The following EDEM3 variants were observed in gnomAD, a reference collection of about 807,000 sequenced individuals.
The protein encoded by EDEM3 is ER degradation enhancing alpha-mannosidase like protein 3.
A neutral mutation model predicts 110.2 loss-of-function variants in EDEM3; 60 were observed. The observed-to-expected ratio is 0.54, with a 90% confidence interval of 0.44 to 0.67. The LOEUF (loss-of-function observed/expected upper bound fraction) is 0.67. Among genes scored for constraint, EDEM3 ranks in the 30% least tolerant of loss-of-function variants. The pLI is 0.00. For synonymous variants in EDEM3, 352 were observed against 382.9 expected, an observed-to-expected ratio of 0.92 and a Z score of 0.94; for missense variants, 996 against 1,121.0, an observed-to-expected ratio of 0.89 and a Z score of 1.59.
At chr1:184,749,502 A>G (rs1652629162) in intron 2 of EDEM3, 45 bp downstream of exon 2, 2 of 1,387,866 alleles carry the variant, frequency 1.4e-6, no homozygotes, top group East Asian at 2.3e-5. Context: ...CTCACATAAT[A>G]ATCAACTCAC....
At chr1:184,716,052 A>G (rs926353183) in intron 13 of EDEM3, among the ~76,000 whole-genome samples, 2 of 152,198 alleles carry the variant, frequency 1.3e-5, no homozygotes, top group Non-Finnish European at 1.5e-5. Flanking sequence ...AGGAGCCTTC[A>G]GGAACCCTTC....
At position 184,692,736 on chromosome 1, in the gene EDEM3, T is replaced by G. The variant is rs566422181; in HGVS notation, c.*1327A>C. 7 of 149,346 alleles carry G rather than the reference T, an allele frequency of 4.7e-5. No homozygotes were observed. Among genetic ancestry groups the G allele is most frequent in the Non-Finnish European group, 8.9e-5 (6 of 67,332 alleles). 9.3% of individuals were successfully genotyped at this position (149,346 alleles called of 1,614,324 possible). Reference sequence around the variant, plus strand: ...AAACATCAACAACAAAATTTAAAAATTTTTAAGACTTAAATGTGGCCAGCA... The same window carrying G: ...AAACATCAACAACAAAATTTAAAAAGTTTTAAGACTTAAATGTGGCCAGCA... On this transcript the variant is annotated 3_prime_UTR_variant, in exon 20 of 20. Coordinates refer to ENST00000318130, the MANE Select transcript of EDEM3 (RefSeq NM_025191.4).
At chr1:184,714,670 G>A (rs996313812) in intron 13 of EDEM3, among the ~76,000 whole-genome samples, 2 of 152,140 alleles carry the variant, frequency 1.3e-5, no homozygotes, top group Non-Finnish European at 2.9e-5. Context: ...TGTAAGGTAT[G>A]CTCATCTAAA....
At chr1:184,696,614 A>G (rs980570856) in intron 19 of EDEM3, among the ~76,000 whole-genome samples, 7 of 151,798 alleles carry the variant, frequency 4.6e-5, no homozygotes, top group African/African-American at 1.7e-4. Context: ...GGGTGGATTG[A>G]GGAATTCCAC....
At chr1:184,744,370 C>G (rs535646582) in intron 2 of EDEM3, among the ~76,000 whole-genome samples, 21 of 147,768 alleles carry the variant, frequency 1.4e-4, no homozygotes, top group African/African-American at 5.0e-4. Context: ...TCACAATGAA[C>G]TACCACTATA....
intron 5 of EDEM3, among the ~76,000 whole-genome samples, chr1:184,733,643 C>A (rs1022509019): frequency 2.0e-5 from 3 of 152,068 alleles, no homozygotes; most frequent in African/African-American, 7.2e-5. Context: ...TCCTGGCCAA[C>A]ACGGTGAAAC....
intron 8 of EDEM3, 75 bp downstream of exon 8, chr1:184,723,676 A>T: frequency 8.8e-7 from 1 of 1,134,326 alleles, no homozygotes; most frequent in Non-Finnish European, 1.3e-6. Flanking sequence ...AGATTATTTT[A>T]ACAAATGAAA....
chr1:184,731,676 T>C (rs533195893), intron 6 of EDEM3, among the ~76,000 whole-genome samples: 12 of 152,362 alleles, frequency 7.9e-5, no homozygotes, highest in Non-Finnish European at 1.8e-4. Flanking sequence ...ACTGCTTCAA[T>C]TATATCTTCT....
At chr1:184,749,636 T>C in intron 1 of EDEM3, 44 bp from the exon 2 acceptor site, 1 of 1,068,278 alleles carries the variant, frequency 9.4e-7, no homozygotes, top group Non-Finnish European at 1.3e-6. Context: ...AAAAAAAAGG[T>C]AAGTATATTC....
chr1:184,708,110 A>G, intron 17 of EDEM3, 43 bp downstream of exon 17: 2 of 1,498,328 alleles, frequency 1.3e-6, no homozygotes, highest in South Asian at 2.5e-5. Flanking sequence ...AATACTTAAT[A>G]TTTTAAATTC....
At position 184,702,930 on chromosome 1, in the gene EDEM3, G is replaced by A; in HGVS notation, c.2270C>T (p.Thr757Ile). The A allele has an allele frequency of 6.2e-7, 1 of 1,613,384 alleles. No homozygotes were observed. The highest frequency in any genetic ancestry group is 1.1e-5 in the South Asian group (1 of 91,044). ...CAGCATGGGGATCTTGATGTCATCT[G>A]TATCCTTTCCATCACCTGCCATCTG... ...LFQMAGDGKDTDDIKIPMLFL... is the reference protein window; with the variant it reads ...LFQMAGDGKDIDDIKIPMLFL... The change falls in exon 19 of 20, where the codon ACA (threonine) becomes ATA (isoleucine). Residue 757 changes from threonine (T) to isoleucine (I), a missense_variant. Around this residue, in one of 5 missense-constraint regions of EDEM3, gnomAD observed 345 missense variants for 402.0 expected, o/e 0.86. Transcript: ENST00000318130.
intron 7 of EDEM3, among the ~76,000 whole-genome samples, chr1:184,725,449 C>T (rs1040666): frequency 6.6e-6 from 1 of 151,770 alleles, no homozygotes; most frequent in Non-Finnish European, 1.5e-5. Context: ...TAGAGCAAAA[C>T]CTTAAGTTTA....
rs1649124431 is a variant in EDEM3 at position 184,692,841 on chromosome 1, G to GTTTT, written c.*1221_*1222insAAAA. The GTTTT allele has an allele frequency of 6.7e-6, 1 of 149,456 alleles. No homozygotes were observed. The highest frequency in any genetic ancestry group is 6.7e-5 in the Admixed American group (1 of 14,970). The allele number at this position is 149,456 out of a possible 1,614,324, so 9.3% of individuals were successfully genotyped here. A position where few individuals can be genotyped will look rare whatever the true frequency, so the allele number is the denominator to read the frequency against. On this transcript the variant is annotated 3_prime_UTR_variant, in exon 20 of 20. Transcript: ENST00000318130. ...TCATTAAGCTATATAGCTATATGTA[G>GTTTT]TTGTATTGTACTTTTTTTTTTAAAC...
intron 19 of EDEM3, among the ~76,000 whole-genome samples, chr1:184,694,892 AT>A (rs1161110852): frequency 6.6e-6 from 1 of 152,102 alleles, no homozygotes; most frequent in African/African-American, 2.4e-5. Context: ...TATCATTGCT[AT>A]ATTTTCAAAT....
At chr1:184,718,121 CT>C (rs1484047359) in intron 11 of EDEM3, among the ~76,000 whole-genome samples, 3 of 151,898 alleles carry the variant, frequency 2.0e-5, no homozygotes, top group Non-Finnish European at 4.4e-5. Flanking sequence ...ACATAGTTCT[CT>C]TTTTTTGTGG....
intron 2 of EDEM3, among the ~76,000 whole-genome samples, chr1:184,745,576 T>G (rs1387590839): frequency 6.6e-6 from 1 of 152,056 alleles, no homozygotes; most frequent in Non-Finnish European, 1.5e-5. Flanking sequence ...TTTACAACAA[T>G]AAAAATTTTT....
intron 11 of EDEM3, 59 bp downstream of exon 11, chr1:184,719,103 C>CGTGTGTGTGTGT (rs111917956): frequency 1.2e-6 from 1 of 861,400 alleles, no homozygotes; most frequent in African/African-American, 1.7e-5. Flanking sequence ...TATATGTGTA[C>CGTGTGTGTGTGT]GTGTGTGTGT....
At chr1:184,721,488 C>CAT (rs1159026673) in intron 8 of EDEM3, 102 bp from the exon 9 acceptor site, 12 of 742,060 alleles carry the variant, frequency 1.6e-5, no homozygotes, top group African/African-American at 1.8e-5. Context: ...TAACATTGTG[C>CAT]ATATATATGA....
rs1466954137 is a variant in EDEM3 at position 184,691,608 on chromosome 1, AAAAAC to A, written c.*2450_*2454del. ...CTAAAATGTCTATAAAAGTTAACTAAAAAACAAAACACTAAAAAAAAAAAAAACAA... is the reference window on the plus strand; with the variant it reads ...CTAAAATGTCTATAAAAGTTAACTAAAAAACACTAAAAAAAAAAAAAACAA... On this transcript the variant is annotated 3_prime_UTR_variant, in exon 20 of 20. Transcript: ENST00000318130. 6.6e-6 allele frequency: 1 copy of A among 152,122 alleles called. No homozygotes were observed. The highest frequency in any genetic ancestry group is 2.4e-5 in the African/African-American group (1 of 41,196). 9.4% of individuals were successfully genotyped at this position (152,122 alleles called of 1,614,324 possible).
Sources: gnomAD v4.1 joint callset for allele counts (sites outside exome capture counted in the v4.1 genomes callset) on GRCh38, gnomAD v4.1.1 for gene constraint, gnomAD v4.1.1 regional missense constraint, MANE v1.5 for transcripts, NCBI Gene and HGNC (gene_info 2026-07-23, HGNC 2026-07-21) for gene names.